Variants in CDC16 observed in about 807,000 individuals in gnomAD.
CDC16 encodes the protein cell division cycle 16, also known as cell division cycle protein 16 homolog.
Under a neutral mutation model 87.0 loss-of-function variants are expected in CDC16, and 34 were observed. That is an observed-to-expected ratio of 0.39 (90% CI 0.30 to 0.52). The LOEUF (loss-of-function observed/expected upper bound fraction) is 0.52, where lower values mean the gene tolerates loss of function less well. CDC16 is among the 20% of genes least tolerant of loss of function. The probability of loss-of-function intolerance (pLI) is 0.74; values close to 1 mark genes in which losing one functional copy is unlikely to be tolerated. For synonymous variants in CDC16, 263 were observed against 260.6 expected (o/e 1.01, Z -0.09); for missense variants, 653 against 751.9 (o/e 0.87, Z 1.54).
intron 3 of CDC16, among the ~76,000 whole-genome samples, chr13:114,238,362 A>G (rs1566632624): frequency 6.8e-6 from 1 of 147,346 alleles, no homozygotes; most frequent in South Asian, 2.1e-4. Flanking sequence ...GATGCCCAGC[A>G]GTTATTCACA....
chr13:114,272,403 A>T lies in CDC16; in HGVS notation c.1823A>T (p.Asp608Val), dbSNP rs1241999860. ...TTTGAAATTGAAATGAATGAAAGTG[A>T]CATGATGTTAGAGACATCTATGTCA... ...ETFEIEMNES[D>V]MMLETSMSDH... Residue 608 changes from aspartate (D) to valine (V), a missense_variant, in exon 18 of 18, where the codon GAC becomes GTC. By Grantham distance (152) the Asp-to-Val change is radical. Transcript: ENST00000356221. 6.2e-7 allele frequency: 1 copy of T among 1,614,150 alleles called. No homozygotes were observed. Among genetic ancestry groups the T allele is most frequent in the Admixed American group, 1.7e-5 (1 of 60,030 alleles).
At chr13:114,251,891 C>T (rs1272621796) in intron 12 of CDC16, among the ~76,000 whole-genome samples, 7 of 152,204 alleles carry the variant, frequency 4.6e-5, no homozygotes, top group African/African-American at 1.4e-4. Flanking sequence ...GAACCTTACA[C>T]GAACCCTATT....
At chr13:114,236,776 C>A in intron 2 of CDC16, 23 bp from the exon 3 acceptor site, 1 of 1,612,268 alleles carries the variant, frequency 6.2e-7, no homozygotes, top group Non-Finnish European at 8.5e-7. Context: ...CCTCTGACCA[C>A]TTATGTGAAT....
intron 10 of CDC16, among the ~76,000 whole-genome samples, chr13:114,246,539 T>A (rs1449587919): frequency 6.6e-6 from 1 of 152,150 alleles, no homozygotes; most frequent in Non-Finnish European, 1.5e-5. Flanking sequence ...GGTGTAAGAC[T>A]CAGACGACAA....
chr13:114,261,351 T>C (rs977406336), intron 14 of CDC16, among the ~76,000 whole-genome samples: 3 of 152,002 alleles, frequency 2.0e-5, no homozygotes, highest in Admixed American at 1.3e-4. Flanking sequence ...GATTTGACTC[T>C]GTTAATGAGG....
At chr13:114,242,376 A>G (rs2081595537) in intron 6 of CDC16, 96 bp downstream of exon 6, 2 of 1,111,874 alleles carry the variant, frequency 1.8e-6, no homozygotes, top group Admixed American at 4.2e-5. Flanking sequence ...AACAGGCCAC[A>G]TACAGGTTTA....
rs2081276174 is a variant in CDC16, at chr13:114,236,858, A to G, written c.163A>G (p.Arg55Gly). 1 of 1,606,116 alleles carries G rather than the reference A, an allele frequency of 6.2e-7. No individual in the cohort carries two copies. The highest frequency in any genetic ancestry group is 8.5e-7 in the Non-Finnish European group (1 of 1,177,782). The change falls in exon 3 of 18, where the codon AGA becomes GGA. Residue 55 changes from arginine to glycine, a missense_variant. Physicochemically the swap from Arg to Gly is moderately radical, Grantham distance 125 (BLOSUM62 -2). Transcript: ENST00000356221. ...QCLYLTAQYHRAAHALRSRKL... is the reference protein window; with the variant it reads ...QCLYLTAQYHGAAHALRSRKL... ...TCTTTACCTGACAGCACAATATCACAGAGCCGCCCATGCACTTCGGTCACG... is the reference window on the plus strand; with the variant it reads ...TCTTTACCTGACAGCACAATATCACGGAGCCGCCCATGCACTTCGGTCACG...
chr13:114,238,266 C>G (rs1438938435), intron 3 of CDC16, among the ~76,000 whole-genome samples: 1 of 144,290 alleles, frequency 6.9e-6, no homozygotes, highest in East Asian at 2.0e-4. Context: ...ACACTCAGTG[C>G]CTGAAGTGGA....
chr13:114,253,306 A>G (rs1183070972), intron 12 of CDC16, among the ~76,000 whole-genome samples: 1 of 152,214 alleles, frequency 6.6e-6, no homozygotes, highest in Non-Finnish European at 1.5e-5. Context: ...CATATTTAAG[A>G]ATTTCCCAAA....
chr13:114,260,412 A>C (rs2082767425), intron 14 of CDC16, among the ~76,000 whole-genome samples: 1 of 152,240 alleles, frequency 6.6e-6, no homozygotes, highest in African/African-American at 2.4e-5. Flanking sequence ...CTAAGAAGTG[A>C]CTGCCTTATG....
At chr13:114,235,726 GGAAA>G (rs1354336992) in intron 1 of CDC16, among the ~76,000 whole-genome samples, 2 of 152,112 alleles carry the variant, frequency 1.3e-5, no homozygotes, top group Admixed American at 6.5e-5. Context: ...TCAGGAAATT[GGAAA>G]GAAAGGGAAA....
intron 17 of CDC16, among the ~76,000 whole-genome samples, chr13:114,268,195 T>C (rs1178951156): frequency 3.9e-5 from 6 of 152,138 alleles, no homozygotes; most frequent in Non-Finnish European, 7.4e-5. Flanking sequence ...CTCCAGCTCA[T>C]GCCTGCAAAT....
At chr13:114,239,298 G>A (rs374915426) in intron 4 of CDC16, 52 bp from the exon 5 acceptor site, 1 of 1,556,378 alleles carries the variant, frequency 6.4e-7, no homozygotes, top group African/African-American at 1.4e-5. Flanking sequence ...CGGATCATGT[G>A]TTTCGTGTTA....
intron 12 of CDC16, among the ~76,000 whole-genome samples, chr13:114,254,799 G>A (rs1247640549): frequency 6.6e-6 from 1 of 152,182 alleles, no homozygotes; most frequent in African/African-American, 2.4e-5. Flanking sequence ...CTGAAAGACT[G>A]GTTCAGGCCA....
rs975872031 is a variant in CDC16, at chr13:114,247,005, G to A, written c.971+1G>A. 6.3e-7 allele frequency: 1 copy of A among 1,598,550 alleles called. No individual in the cohort carries two copies. On this transcript the variant is annotated splice_donor_variant, in intron 11 of 17. Transcript: ENST00000356221. LOFTEE classifies it high-confidence loss of function. ...ATGAACATGCCAGAAGATATCTCAG[G>A]TATGAATTTATTTTTTTCCTCTCTA...
intron 17 of CDC16, among the ~76,000 whole-genome samples, chr13:114,267,771 C>A (rs1049256557): frequency 2.1e-5 from 3 of 145,080 alleles, no homozygotes; most frequent in Admixed American, 6.7e-5. Flanking sequence ...CTTTGGGAGT[C>A]CTCCTCCCAT....
rs773317760 is a variant in CDC16 at position 114,243,360 on chromosome 13, CAA to C, written c.633+14_633+15del. On this transcript the variant is annotated intron_variant, in intron 7 of 17. Coordinates refer to ENST00000356221, the MANE Select transcript of CDC16 (RefSeq NM_001078645.3). Reference sequence around the variant, plus strand: ...ACAAATTGAAAAAAGTAAGTAAAACCAAAGAGTTAGCACTTGCTTTATGTAAA... The same window carrying C: ...ACAAATTGAAAAAAGTAAGTAAAACCAGAGTTAGCACTTGCTTTATGTAAA... 7 of 1,303,596 alleles carry C rather than the reference CAA, an allele frequency of 5.4e-6. No individual in the cohort carries two copies. The highest frequency in any genetic ancestry group is 3.6e-5 in the South Asian group (3 of 84,166). 80.8% of individuals were successfully genotyped at this position (1,303,596 alleles called of 1,614,324 possible). A position where few individuals can be genotyped will look rare whatever the true frequency, so the allele number is the denominator to read the frequency against.
intron 17 of CDC16, among the ~76,000 whole-genome samples, chr13:114,266,886 T>C (rs549448631): frequency 1.3e-5 from 2 of 152,018 alleles, no homozygotes; most frequent in East Asian, 2.0e-4. Flanking sequence ...TTAGTAGTGA[T>C]GGGGTTTCAC....
intron 14 of CDC16, among the ~76,000 whole-genome samples, chr13:114,260,907 T>C (rs1465205636): frequency 6.6e-6 from 1 of 152,212 alleles, no homozygotes; most frequent in Non-Finnish European, 1.5e-5. Context: ...AGCCATGCCA[T>C]AGGCTCTGAG....
Sources: allele counts gnomAD v4.1 joint callset (sites outside exome capture counted in the v4.1 genomes callset), GRCh38; gene constraint gnomAD v4.1.1; transcripts MANE v1.5; gene names NCBI Gene and HGNC (gene_info 2026-07-23, HGNC 2026-07-21).